PCGF3: variants seen among roughly 807,000 people sequenced by gnomAD.
The protein encoded by PCGF3 is polycomb group RING finger protein 3.
A neutral mutation model predicts 33.1 loss-of-function variants in PCGF3; 7 were observed. That is an observed-to-expected ratio of 0.21 (90% CI 0.12 to 0.40). The LOEUF (loss-of-function observed/expected upper bound fraction) is 0.40, where lower values mean the gene tolerates loss of function less well. Among genes scored for constraint, PCGF3 ranks in the 10% least tolerant of loss-of-function variants. The pLI is 1.00. For missense variants in PCGF3, 211 were observed against 313.3 expected (o/e 0.67, Z 2.46); for synonymous variants, 153 against 121.3 (o/e 1.26, Z -1.72).
intron 7 of PCGF3, 81 bp downstream of exon 7, chr4:743,665 C>T (rs572343206): frequency 3.0e-5 from 24 of 809,054 alleles, no homozygotes; most frequent in East Asian, 1.6e-4. Context: ...CGCTGTCTGC[C>T]GGCCCCTCCC....
chr4:722,201 C>G (rs1406644144), intron 1 of PCGF3: 1 of 157,440 alleles, frequency 6.4e-6, no homozygotes, highest in Non-Finnish European at 1.4e-5. Context: ...CAGGATGATA[C>G]GTTTTTCCTT....
intron 5 of PCGF3, among the ~76,000 whole-genome samples, chr4:736,048 A>T (rs1180674855): frequency 2.6e-5 from 4 of 151,670 alleles, no homozygotes; most frequent in Admixed American, 2.0e-4. Context: ...TATTTTTCTT[A>T]ATTTTATTTA....
At chr4:727,400 C>T (rs1743378111) in intron 1 of PCGF3, among the ~76,000 whole-genome samples, 1 of 151,962 alleles carries the variant, frequency 6.6e-6, no homozygotes, top group Non-Finnish European at 1.5e-5. Flanking sequence ...GCCATTACAC[C>T]TGGCTAATTT....
chr4:722,755 G>A (rs1307802427), intron 1 of PCGF3, among the ~76,000 whole-genome samples: 1 of 59,428 alleles, frequency 1.7e-5, no homozygotes, highest in Non-Finnish European at 3.0e-5. Context: ...CCACACTCGC[G>A]ACATCGCCAT....
intron 9 of PCGF3, among the ~76,000 whole-genome samples, chr4:764,248 C>T (rs1286466877): frequency 6.6e-6 from 1 of 152,192 alleles, no homozygotes; most frequent in Admixed American, 6.5e-5. Context: ...CTCCCTGTAC[C>T]TTCCTCTCAA....
At chr4:726,019 C>T (rs554355947) in intron 1 of PCGF3, among the ~76,000 whole-genome samples, 2 of 152,282 alleles carry the variant, frequency 1.3e-5, no homozygotes, top group East Asian at 1.9e-4. Context: ...CCCCGTCCAC[C>T]GTGTGTCCAT....
intron 6 of PCGF3, among the ~76,000 whole-genome samples, chr4:740,614 A>G (rs1011769516): frequency 6.6e-5 from 10 of 152,164 alleles, no homozygotes; most frequent in Non-Finnish European, 1.3e-4. Context: ...TGGGGGCCGG[A>G]CACAGTGTCT....
exon 9 of PCGF3, chr4:761,400 T>G: frequency 6.2e-7 from 1 of 1,608,440 alleles, no homozygotes; most frequent in Non-Finnish European, 8.5e-7. Flanking sequence ...AAACTCAACC[T>G]TTCATCCTTT....
intron 8 of PCGF3, among the ~76,000 whole-genome samples, chr4:754,750 T>C (rs892343066): frequency 1.3e-5 from 2 of 152,178 alleles, no homozygotes; most frequent in African/African-American, 2.4e-5. Flanking sequence ...CTGGCGTGGC[T>C]TTATCCCCAG....
intron 5 of PCGF3, 144 bp downstream of exon 5, chr4:735,171 G>A (rs951967189): frequency 2.2e-6 from 2 of 889,940 alleles, no homozygotes. Context: ...CCCAGGAGCT[G>A]CACACGAAGA....
exon 11 of PCGF3, chr4:767,768 G>A (rs920681333): frequency 6.7e-6 from 1 of 149,584 alleles, no homozygotes; most frequent in Non-Finnish European, 1.5e-5. Flanking sequence ...GAGTTACTCA[G>A]TTACCTAAGC....
intron 9 of PCGF3, among the ~76,000 whole-genome samples, chr4:764,038 G>A (rs971343448): frequency 6.6e-6 from 1 of 152,198 alleles, no homozygotes; most frequent in Non-Finnish European, 1.5e-5. Flanking sequence ...GCAGGGGCTT[G>A]AGGAGGGTAG....
At chr4:738,774 G>C (rs1560207573) in intron 6 of PCGF3, among the ~76,000 whole-genome samples, 1 of 152,062 alleles carries the variant, frequency 6.6e-6, no homozygotes, top group Non-Finnish European at 1.5e-5. Context: ...CAGGAGAATC[G>C]CTTGAACCCG....
At chr4:735,258 TTAGG>T (rs1348432747) in intron 5 of PCGF3, among the ~76,000 whole-genome samples, 2 of 152,150 alleles carry the variant, frequency 1.3e-5, no homozygotes, top group Admixed American at 6.5e-5. Context: ...CCATCAATAC[TTAGG>T]TAGGCCGGGC....
At chr4:766,184 G>A (rs945686778) in exon 11 of PCGF3, 2 of 822,900 alleles carry the variant, frequency 2.4e-6, no homozygotes, top group Admixed American at 4.6e-5. Flanking sequence ...CCAGACTTCT[G>A]AATAGAGAAT....
chr4:713,903 G>C (rs1272485466), intron 1 of PCGF3, among the ~76,000 whole-genome samples: 1 of 152,218 alleles, frequency 6.6e-6, no homozygotes, highest in Non-Finnish European at 1.5e-5. Context: ...TAAATGTTAA[G>C]TGATTTTAAT....
rs545947614 is a variant in PCGF3 at position 720,248 on chromosome 4, G to A, written c.-189-10382G>A. Among the ~76,000 whole-genome samples the A allele has an allele frequency of 2.0e-5, 3 of 152,212 alleles. No individual in the cohort carries two copies. The highest frequency in any genetic ancestry group is 4.1e-4 in the South Asian group (2 of 4,826). On this transcript the variant is annotated intron_variant, in intron 1 of 10. Coordinates refer to ENST00000362003, the Ensembl canonical transcript of PCGF3. The surrounding 1 kb of genome is among the most constrained non-coding windows in gnomAD (Gnocchi z 5.6). ...GTGTGCCGCTGGGGAGGGTGACCGC[G>A]GGAGGAGCGCCCGTGCATCGCTGCA...
chr4:740,879 G>T (rs1286038118), intron 6 of PCGF3, among the ~76,000 whole-genome samples: 1 of 152,124 alleles, frequency 6.6e-6, no homozygotes, highest in East Asian at 1.9e-4. Context: ...CCTGCCTGCC[G>T]GTGGCTTTGG....
chr4:714,673 C>T (rs1224505977), intron 1 of PCGF3, among the ~76,000 whole-genome samples: 2 of 152,274 alleles, frequency 1.3e-5, no homozygotes, highest in East Asian at 1.9e-4. Flanking sequence ...GTCCGTGGAC[C>T]GGGCTCGCAT....
Sources: allele counts gnomAD v4.1 joint callset (sites outside exome capture counted in the v4.1 genomes callset), GRCh38; gene constraint gnomAD v4.1.1; non-coding constraint Gnocchi (gnomAD v3.1); transcripts MANE v1.5; gene names NCBI Gene and HGNC (gene_info 2026-07-23, HGNC 2026-07-21).